LRCH3: variants seen among roughly 807,000 people sequenced by gnomAD.
LRCH3 encodes the protein DISP complex protein LRCH3.
In LRCH3, 68 loss-of-function variants were observed where a neutral mutation model predicts 104.5. The ratio of observed to expected loss-of-function variants is 0.65; its 90% CI spans 0.54 to 0.80. The LOEUF (loss-of-function observed/expected upper bound fraction) is 0.80. Ranked by LOEUF, LRCH3 falls within the 30% of genes least tolerant of loss-of-function variation. LRCH3 has a pLI of 0.00. For synonymous variants in LRCH3, 344 were observed against 361.3 expected (o/e 0.95, Z 0.54); for missense variants, 951 against 953.9 (o/e 1.00, Z 0.04).
chr3:197,869,733 T>C (rs1231448040), intron 17 of LRCH3, among the ~76,000 whole-genome samples: 1 of 129,516 alleles, frequency 7.7e-6, no homozygotes, highest in Non-Finnish European at 1.6e-5. Flanking sequence ...TAGAAAGCGA[T>C]GCACTGTACC....
intron 9 of LRCH3, among the ~76,000 whole-genome samples, chr3:197,836,932 C>T (rs1034104423): frequency 2.0e-5 from 3 of 152,164 alleles, no homozygotes; most frequent in Admixed American, 2.0e-4. Context: ...CCCGCCTCAG[C>T]CTCCCAAAGT....
intron 10 of LRCH3, 55 bp from the exon 11 acceptor site, chr3:197,847,354 C>T (rs373544524): frequency 4.8e-6 from 7 of 1,453,200 alleles, no homozygotes; most frequent in South Asian, 2.5e-5. Flanking sequence ...TTTTATGTAT[C>T]TGTTTGTCTT....
chr3:197,845,733 C>T (rs994687113), intron 10 of LRCH3, among the ~76,000 whole-genome samples: 13 of 151,980 alleles, frequency 8.6e-5, no homozygotes, highest in Admixed American at 2.0e-4. Context: ...GGTGAAACCC[C>T]GTCTCTACTA....
intron 16 of LRCH3, 80 bp from the exon 17 acceptor site, chr3:197,866,028 TTTAC>T (rs1741441783): frequency 1.0e-6 from 1 of 984,292 alleles, no homozygotes; most frequent in Admixed American, 1.9e-5. Context: ...ATGTTTATTT[TTTAC>T]TTGTTACTTT....
At chr3:197,880,057 T>A (rs191326591) in intron 20 of LRCH3, among the ~76,000 whole-genome samples, 2 of 148,344 alleles carry the variant, frequency 1.3e-5, no homozygotes, top group Non-Finnish European at 3.0e-5. Flanking sequence ...GCCATTCTCC[T>A]GCCTCAGCCT....
intron 1 of LRCH3, among the ~76,000 whole-genome samples, chr3:197,801,493 T>C (rs767173154): frequency 2.6e-5 from 4 of 152,246 alleles, no homozygotes; most frequent in Non-Finnish European, 5.9e-5. Context: ...TGTTCGACTT[T>C]TGTTGAGGCT....
At chr3:197,839,669 A>G (rs10428227) in intron 10 of LRCH3, among the ~76,000 whole-genome samples, 97,239 of 152,044 alleles carry the variant, frequency 0.64, 32,948 homozygotes, top group African/African-American at 0.88. Flanking sequence ...ATATGGATTC[A>G]TGCACAAAAA....
chr3:197,809,308 AAG>A (rs1491298651), intron 1 of LRCH3, among the ~76,000 whole-genome samples: 40 of 151,970 alleles, frequency 2.6e-4, no homozygotes, highest in African/African-American at 8.7e-4. Flanking sequence ...AAAAAAAAAA[AAG>A]GACTTTTTTT....
intron 17 of LRCH3, 116 bp downstream of exon 17, chr3:197,866,335 G>C: frequency 1.5e-6 from 1 of 689,342 alleles, no homozygotes; most frequent in Non-Finnish European, 2.6e-6. Flanking sequence ...CTATCAGCTC[G>C]GCAAAAGCAT....
intron 20 of LRCH3, chr3:197,876,015 A>G (rs1314383712): frequency 3.3e-6 from 1 of 303,974 alleles, no homozygotes; most frequent in African/African-American, 2.2e-5. Context: ...TGAAATAATT[A>G]TTCTATTTTC....
chr3:197,866,307 ATATAG>A, intron 17 of LRCH3, 88 bp downstream of exon 17: 2 of 894,262 alleles, frequency 2.2e-6, no homozygotes, highest in Admixed American at 3.8e-5. Context: ...AAACTTCTGC[ATATAG>A]TATAAGACAA....
intron 5 of LRCH3, among the ~76,000 whole-genome samples, chr3:197,828,445 A>G (rs1394474345): frequency 6.6e-6 from 1 of 151,638 alleles, no homozygotes; most frequent in Non-Finnish European, 1.5e-5. Context: ...TCCCGGGTTC[A>G]CACTATTCTT....
chr3:197,872,360 GAAAAAAAAAA>G (rs56254857), intron 19 of LRCH3, among the ~76,000 whole-genome samples: 4 of 105,390 alleles, frequency 3.8e-5, no homozygotes, highest in Admixed American at 3.3e-4. Context: ...CTGTCTCAAA[GAAAAAAAAAA>G]AAAAAAAAAA....
intron 3 of LRCH3, among the ~76,000 whole-genome samples, chr3:197,818,115 A>C (rs1009867657): frequency 5.3e-5 from 8 of 152,074 alleles, no homozygotes; most frequent in East Asian, 1.9e-4. Context: ...GCCACCGCGC[A>C]CGGCCCTGTT....
rs1740229538 is a variant in LRCH3 at position 197,856,235 on chromosome 3, A to T, written c.1644+1790A>T. 6.6e-6 allele frequency among the ~76,000 whole-genome samples: 1 copy of T among 152,170 alleles called. No individual in the cohort carries two copies. The highest frequency in any genetic ancestry group is 1.5e-5 in the Non-Finnish European group (1 of 68,034). ...TTCGGCAGCCCACCACCCTTAAATC[A>T]GCCCACAGTTTGACAGTTAAATAAA... On this transcript the variant is annotated intron_variant, in intron 14 of 20. Coordinates refer to ENST00000425562, the MANE Select transcript of LRCH3 (RefSeq NM_001365715.1). The surrounding 1 kb of genome is among the most constrained non-coding windows in gnomAD (Gnocchi z 4.2).
Position 197,854,473 on chromosome 3 carries a change from C to G in LRCH3, c.1644+28C>G. On this transcript the variant is annotated intron_variant, in intron 14 of 20. Transcript: ENST00000425562. This position sits in a 1 kb window ranked among gnomAD's most constrained non-coding sequence, Gnocchi z 4.5. Reference sequence around the variant, plus strand: ...AAGAGTTTTGCACAAAACGGAGTTTCGCATTTCTGTGTTTAGAGATTGTAC... The same window carrying G: ...AAGAGTTTTGCACAAAACGGAGTTTGGCATTTCTGTGTTTAGAGATTGTAC... 1 of 1,605,190 alleles carries G rather than the reference C, an allele frequency of 6.2e-7. No individual in the cohort carries two copies. The highest frequency in any genetic ancestry group is 2.2e-5 in the East Asian group (1 of 44,844).
At chr3:197,822,781 CAAAAAATATT>C (rs1237171380) in intron 4 of LRCH3, 1 of 150,386 alleles carries the variant, frequency 6.6e-6, no homozygotes, top group Non-Finnish European at 1.5e-5. Context: ...TTACATCATT[CAAAAAATATT>C]AAAAAATATT....
intron 4 of LRCH3, among the ~76,000 whole-genome samples, chr3:197,824,361 C>CTTTT (rs35034702): frequency 7.3e-6 from 1 of 137,838 alleles, no homozygotes; most frequent in Non-Finnish European, 1.5e-5. Context: ...CCACGCCCGG[C>CTTTT]TTTTTTTTTT....
intron 9 of LRCH3, among the ~76,000 whole-genome samples, chr3:197,837,179 G>T (rs745477404): frequency 8.5e-5 from 13 of 152,076 alleles, no homozygotes; most frequent in Non-Finnish European, 1.3e-4. Context: ...GGAGCAAGGG[G>T]CAACTAACTA....
Sources: gnomAD v4.1 joint callset for allele counts (sites outside exome capture counted in the v4.1 genomes callset) on GRCh38, gnomAD v4.1.1 for gene constraint, Gnocchi (gnomAD v3.1) non-coding constraint, MANE v1.5 for transcripts, NCBI Gene and HGNC (gene_info 2026-07-23, HGNC 2026-07-21) for gene names.